The following GALNT18 variants were observed in gnomAD, a reference collection of about 807,000 sequenced individuals.
The protein encoded by GALNT18 is polypeptide N-acetylgalactosaminyltransferase 18.
In GALNT18, 44 loss-of-function variants were observed where a neutral mutation model predicts 69.5. The ratio of observed to expected loss-of-function variants is 0.63; its 90% CI spans 0.50 to 0.81. The LOEUF (loss-of-function observed/expected upper bound fraction) is 0.81. Among genes scored for constraint, GALNT18 ranks in the 40% least tolerant of loss-of-function variants. GALNT18 has a pLI of 0.00. For synonymous variants in GALNT18, 364 were observed against 318.2 expected (o/e 1.14, Z -1.53); for missense variants, 715 against 810.0 (o/e 0.88, Z 1.42).
In GALNT18 at chr11:11,621,533, T is replaced by C; in HGVS notation, c.61A>G (p.Thr21Ala). 1 of 1,614,042 alleles carries C rather than the reference T, an allele frequency of 6.2e-7. No homozygotes were observed. The highest frequency in any genetic ancestry group is 8.5e-7 in the Non-Finnish European group (1 of 1,179,968). The change falls in exon 1 of 11, where the codon ACT becomes GCT. Residue 21 changes from threonine to alanine, a missense_variant. Transcript: ENST00000227756. This position sits in a 1 kb window ranked among gnomAD's most constrained non-coding sequence, Gnocchi z 9.3. ...ACGTAGAGCAGGCAGATGATGTTAGTCATGCCGCTCAGGATCACGCAAGTG... is the reference window on the plus strand; with the variant it reads ...ACGTAGAGCAGGCAGATGATGTTAGCCATGCCGCTCAGGATCACGCAAGTG... ...VSTCVILSGMTNIICLLYVGW... is the reference protein window; with the variant it reads ...VSTCVILSGMANIICLLYVGW...
rs1859657082 is a variant in GALNT18, at chr11:11,602,534, G to A, written c.235+18825C>T. ...TTGAGCTGGAATTGGGGGAGGAAGG[G>A]CAATTATGGCTCAAATGTCCCAGAC... On this transcript the variant is annotated intron_variant, in intron 1 of 10. Coordinates refer to ENST00000227756, the MANE Select transcript of GALNT18 (RefSeq NM_198516.3). The surrounding 1 kb of genome is among the most constrained non-coding windows in gnomAD (Gnocchi z 4.7). Among the ~76,000 whole-genome samples, 1 of 152,142 alleles carries A rather than the reference G, an allele frequency of 6.6e-6. No homozygotes were observed. Among genetic ancestry groups the A allele is most frequent in the South Asian group, 2.1e-4 (1 of 4,836 alleles).
chr11:11,560,073 AATGG>A (rs1858443120), intron 1 of GALNT18, among the ~76,000 whole-genome samples: 13 of 61,920 alleles, frequency 2.1e-4, no homozygotes, highest in South Asian at 1.6e-3. Flanking sequence ...GATGGAATAG[AATGG>A]GATATGATGG....
chr11:11,276,848 C>T (rs1040736222), intron 10 of GALNT18, among the ~76,000 whole-genome samples: 4 of 152,092 alleles, frequency 2.6e-5, no homozygotes, highest in Non-Finnish European at 5.9e-5. Context: ...GCCTCGCAGC[C>T]CAGGGATGAA....
At chr11:11,359,815 T>G (rs1450506075) in intron 6 of GALNT18, among the ~76,000 whole-genome samples, 2 of 152,206 alleles carry the variant, frequency 1.3e-5, no homozygotes, top group Non-Finnish European at 2.9e-5. Flanking sequence ...AACCTAGTGA[T>G]TAAGGCATTC....
chr11:11,497,093 C>A lies in GALNT18; in HGVS notation c.236-48157G>T, dbSNP rs747791917. 6.6e-6 allele frequency among the ~76,000 whole-genome samples: 1 copy of A among 152,056 alleles called. No individual in the cohort carries two copies. The highest frequency in any genetic ancestry group is 2.4e-5 in the African/African-American group (1 of 41,386). On this transcript the variant is annotated intron_variant, in intron 1 of 10. Transcript: ENST00000227756. This position sits in a 1 kb window ranked among gnomAD's most constrained non-coding sequence, Gnocchi z 4.2. ...CATTCCCACCTCAGGGCCTTTGCAC[C>A]TGCTGTTTCTTCAGTATGGGATGCT...
At chr11:11,317,810 T>G (rs577336640) in intron 9 of GALNT18, among the ~76,000 whole-genome samples, 3 of 152,190 alleles carry the variant, frequency 2.0e-5, no homozygotes, top group African/African-American at 7.2e-5. Flanking sequence ...TTCCAAAATA[T>G]GAGGACTTCA....
At chr11:11,275,445 C>T (rs536731640) in intron 10 of GALNT18, among the ~76,000 whole-genome samples, 1 of 152,244 alleles carries the variant, frequency 6.6e-6, no homozygotes, top group East Asian at 1.9e-4. Context: ...AGCCCTTTGT[C>T]AGATGGACAG....
chr11:11,545,285 T>C (rs1322610915), intron 1 of GALNT18, among the ~76,000 whole-genome samples: 2 of 152,182 alleles, frequency 1.3e-5, no homozygotes, highest in Non-Finnish European at 2.9e-5. Context: ...AACAATGAGA[T>C]GGAAAAAGCA....
At position 11,614,483 on chromosome 11, in the gene GALNT18, C is replaced by T. The variant is rs1859999292; in HGVS notation, c.235+6876G>A. On this transcript the variant is annotated intron_variant, in intron 1 of 10. Coordinates refer to ENST00000227756, the MANE Select transcript of GALNT18 (RefSeq NM_198516.3). The surrounding 1 kb of genome is among the most constrained non-coding windows in gnomAD (Gnocchi z 5.6). ...TCATTCATTACCAGGAAGACAGCAC[C>T]AAGCCATTCATACAAACACCTCCCA... Among the ~76,000 whole-genome samples the T allele has an allele frequency of 6.6e-6, 1 of 152,080 alleles. No individual in the cohort carries two copies. The highest frequency in any genetic ancestry group is 6.6e-5 in the Admixed American group (1 of 15,264).
chr11:11,403,197 C>A (rs903476650), intron 3 of GALNT18, among the ~76,000 whole-genome samples: 2 of 152,168 alleles, frequency 1.3e-5, no homozygotes, highest in Non-Finnish European at 2.9e-5. Flanking sequence ...AAGGGCCTTC[C>A]ACAGTTAGTT....
chr11:11,278,068 G>A (rs917782616), intron 10 of GALNT18, among the ~76,000 whole-genome samples: 4 of 150,880 alleles, frequency 2.7e-5, no homozygotes, highest in Non-Finnish European at 5.9e-5. Context: ...TTAACCTTTT[G>A]CCTCGTTGAT....
intron 1 of GALNT18, among the ~76,000 whole-genome samples, chr11:11,530,121 C>T (rs543830657): frequency 6.6e-6 from 1 of 152,256 alleles, no homozygotes; most frequent in African/African-American, 2.4e-5. Context: ...TTCACATGCA[C>T]CGGCTTGTGA....
Position 11,332,402 on chromosome 11 carries a change from T to C in GALNT18, c.1416+292A>G, listed in dbSNP as rs1410268311. On this transcript the variant is annotated intron_variant, in intron 8 of 10. Coordinates refer to ENST00000227756, the MANE Select transcript of GALNT18 (RefSeq NM_198516.3). The surrounding 1 kb of genome is among the most constrained non-coding windows in gnomAD (Gnocchi z 4.3). ...TGTTTGTTACCTTACCTTTTAATCT[T>C]AAGCTAACTGCTTTATTATGTGTTT... Among the ~76,000 whole-genome samples, 1 of 152,190 alleles carries C rather than the reference T, an allele frequency of 6.6e-6. No homozygotes were observed. Among genetic ancestry groups the C allele is most frequent in the Admixed American group, 6.5e-5 (1 of 15,280 alleles).
intron 1 of GALNT18, among the ~76,000 whole-genome samples, chr11:11,531,569 T>C (rs1346490604): frequency 6.6e-6 from 1 of 152,222 alleles, no homozygotes; most frequent in East Asian, 1.9e-4. Flanking sequence ...AAGCCATCCA[T>C]AGGGGATCAC....
intron 9 of GALNT18, among the ~76,000 whole-genome samples, chr11:11,319,762 G>T (rs1849813379): frequency 6.6e-6 from 1 of 152,146 alleles, no homozygotes; most frequent in South Asian, 2.1e-4. Flanking sequence ...CCAAAAATCT[G>T]CATCCTTATA....
chr11:11,468,438 C>T lies in GALNT18; in HGVS notation c.236-19502G>A, dbSNP rs562276115. 6.2e-4 allele frequency among the ~76,000 whole-genome samples: 95 copies of T among 152,312 alleles called. No individual in the cohort carries two copies. In the Middle Eastern group the frequency reaches 0.014, roughly 22 times the overall value. ...CTGCCTGCCATGCAGCTCTAAGAAA[C>T]AGCCAAGTCTTGTTTTAAGATTCTG... On this transcript the variant is annotated intron_variant, in intron 1 of 10. Coordinates refer to ENST00000227756, the MANE Select transcript of GALNT18 (RefSeq NM_198516.3).
At chr11:11,414,336 C>G (rs181325281) in intron 3 of GALNT18, among the ~76,000 whole-genome samples, 1 of 152,170 alleles carries the variant, frequency 6.6e-6, no homozygotes, top group African/African-American at 2.4e-5. Context: ...CTAAAAAGTC[C>G]CACATGACAA....
In GALNT18 at chr11:11,439,851, G is replaced by C. The variant is rs1263846885; in HGVS notation, c.429-7064C>G. Among the ~76,000 whole-genome samples, 1 of 152,218 alleles carries C rather than the reference G, an allele frequency of 6.6e-6. No individual in the cohort carries two copies. The highest frequency in any genetic ancestry group is 1.9e-4 in the East Asian group (1 of 5,202). On this transcript the variant is annotated intron_variant, in intron 2 of 10. Transcript: ENST00000227756. The surrounding 1 kb of genome is among the most constrained non-coding windows in gnomAD (Gnocchi z 4.4). ...CTGCCTGACTGCAGCAATAAGACTA[G>C]ATCATCCCACAAGCCAAAGGGGTGA...
chr11:11,325,560 A>C (rs1849902549), intron 9 of GALNT18, among the ~76,000 whole-genome samples: 1 of 152,212 alleles, frequency 6.6e-6, no homozygotes, highest in Admixed American at 6.5e-5. Flanking sequence ...GAAAGAAGTC[A>C]ACATAAGAAA....
Sources: gnomAD v4.1 joint callset for allele counts (sites outside exome capture counted in the v4.1 genomes callset) on GRCh38, gnomAD v4.1.1 for gene constraint, Gnocchi (gnomAD v3.1) non-coding constraint, MANE v1.5 for transcripts, NCBI Gene and HGNC (gene_info 2026-07-23, HGNC 2026-07-21) for gene names.